Variants in BBX observed in about 807,000 individuals in gnomAD.
BBX encodes HMG box transcription factor BBX.
In BBX, 30 loss-of-function variants were observed where a neutral mutation model predicts 100.2. The ratio of observed to expected loss-of-function variants is 0.30; its 90% CI spans 0.22 to 0.41. The LOEUF (loss-of-function observed/expected upper bound fraction) is 0.41, where lower values mean the gene tolerates loss of function less well. Ranked by LOEUF, BBX falls within the 10% of genes least tolerant of loss-of-function variation. The pLI is 1.00. For missense variants in BBX, 1,023 were observed against 1,129.8 expected, an observed-to-expected ratio of 0.91 and a Z score of 1.35; for synonymous variants, 376 against 388.1, an observed-to-expected ratio of 0.97 and a Z score of 0.37.
chr3:107,724,055 T>C (rs953524095), intron 5 of BBX, among the ~76,000 whole-genome samples: 29 of 151,968 alleles, frequency 1.9e-4, no homozygotes, highest in African/African-American at 6.3e-4. Context: ...TATTTCTCCA[T>C]ATCCTATCCA....
chr3:107,645,993 C>G (rs576516305), intron 3 of BBX, 84 bp downstream of exon 3: 4 of 152,676 alleles, frequency 2.6e-5, no homozygotes, highest in African/African-American at 9.6e-5. Flanking sequence ...CAGAGCTGGT[C>G]TCAGCATGAT....
intron 10 of BBX, among the ~76,000 whole-genome samples, chr3:107,764,632 G>A (rs753072916): frequency 2.0e-5 from 3 of 152,170 alleles, no homozygotes; most frequent in Non-Finnish European, 4.4e-5. Flanking sequence ...AAAGTGTCCA[G>A]ATGATTTTTC....
intron 15 of BBX, among the ~76,000 whole-genome samples, chr3:107,793,177 T>C (rs1359698007): frequency 6.6e-6 from 1 of 152,180 alleles, no homozygotes. Flanking sequence ...TCTGATATCT[T>C]GAGTAAGTAT....
intron 7 of BBX, among the ~76,000 whole-genome samples, chr3:107,742,427 A>G (rs1462976589): frequency 2.0e-5 from 3 of 151,454 alleles, no homozygotes; most frequent in African/African-American, 4.9e-5. Flanking sequence ...GTACTCTCCC[A>G]ATTCTCCTGG....
intron 3 of BBX, among the ~76,000 whole-genome samples, chr3:107,666,488 G>A (rs1011917073): frequency 6.6e-6 from 1 of 151,620 alleles, no homozygotes; most frequent in African/African-American, 2.4e-5. Flanking sequence ...CTTTAGTGAA[G>A]GATTTATTTT....
chr3:107,651,297 A>G (rs940572342), intron 3 of BBX, among the ~76,000 whole-genome samples: 1 of 152,218 alleles, frequency 6.6e-6, no homozygotes. Flanking sequence ...AATATCTTTG[A>G]TACTTTTGAG....
chr3:107,720,566 A>G (rs2062458405), intron 5 of BBX, among the ~76,000 whole-genome samples: 1 of 152,082 alleles, frequency 6.6e-6, no homozygotes, highest in South Asian at 2.1e-4. Flanking sequence ...ATGATGATAC[A>G]AAGGTAAATA....
intron 2 of BBX, among the ~76,000 whole-genome samples, chr3:107,536,949 C>G (rs901829080): frequency 2.0e-5 from 3 of 152,154 alleles, no homozygotes; most frequent in African/African-American, 7.2e-5. Flanking sequence ...CTGGCCAGTT[C>G]CAGCATAGGC....
chr3:107,732,804 GTTGCATAAAGAGT>G, intron 6 of BBX, 139 bp from the exon 7 acceptor site: 1 of 621,488 alleles, frequency 1.6e-6, no homozygotes, highest in Non-Finnish European at 2.8e-6. Flanking sequence ...CCAGGTTACT[GTTGCATAAAGAGT>G]TTTTAAAAGT....
chr3:107,798,480 T>A, intron 15 of BBX, 43 bp from the exon 16 acceptor site: 1 of 1,585,986 alleles, frequency 6.3e-7, no homozygotes, highest in East Asian at 2.2e-5. Flanking sequence ...TTTTGGTGCC[T>A]TCTGTTTTTG....
intron 3 of BBX, among the ~76,000 whole-genome samples, chr3:107,667,158 A>G (rs983327500): frequency 4.6e-5 from 7 of 152,348 alleles, no homozygotes; most frequent in Admixed American, 2.6e-4. Flanking sequence ...ACATTCTTTT[A>G]TGCTTATCAG....
chr3:107,534,512 C>A (rs140312339), intron 2 of BBX, among the ~76,000 whole-genome samples: 1 of 151,532 alleles, frequency 6.6e-6, no homozygotes, highest in Non-Finnish European at 1.5e-5. Flanking sequence ...CTCTTTTTTT[C>A]TCTCCCAGTC....
chr3:107,687,740 G>GC (rs2059930903), intron 3 of BBX, among the ~76,000 whole-genome samples: 1 of 152,100 alleles, frequency 6.6e-6, no homozygotes, highest in Non-Finnish European at 1.5e-5. Flanking sequence ...TGCTCTACAA[G>GC]CAACAGAAAA....
At chr3:107,676,993 C>G (rs2059315071) in intron 3 of BBX, among the ~76,000 whole-genome samples, 1 of 151,856 alleles carries the variant, frequency 6.6e-6, no homozygotes, top group Non-Finnish European at 1.5e-5. Context: ...ATTTTTTTCT[C>G]TGAAGGTTGG....
At chr3:107,798,397 C>G (rs1481433094) in intron 15 of BBX, 126 bp from the exon 16 acceptor site, 2 of 854,734 alleles carry the variant, frequency 2.3e-6, no homozygotes, top group East Asian at 2.6e-5. Context: ...TCCATCAGTA[C>G]TTTGAAAACT....
intron 5 of BBX, among the ~76,000 whole-genome samples, chr3:107,717,920 GTTAAGT>G (rs2062220061): frequency 1.3e-5 from 2 of 151,890 alleles, no homozygotes; most frequent in South Asian, 4.2e-4. Flanking sequence ...CAAACACTTG[GTTAAGT>G]TTTATCAAAA....
intron 2 of BBX, among the ~76,000 whole-genome samples, chr3:107,535,593 CTTTTT>C (rs11298693): frequency 7.5e-6 from 1 of 132,836 alleles, no homozygotes; most frequent in Non-Finnish European, 1.6e-5. Flanking sequence ...TGCTCTGTTC[CTTTTT>C]TTTTTTTTTT....
chr3:107,736,981 G>T (rs2063679007), intron 7 of BBX, among the ~76,000 whole-genome samples: 1 of 152,064 alleles, frequency 6.6e-6, no homozygotes, highest in African/African-American at 2.4e-5. Context: ...TAGACTTTGG[G>T]TCTGTGATTT....
chr3:107,582,579 T>C (rs1230633535), intron 2 of BBX, among the ~76,000 whole-genome samples: 2 of 152,070 alleles, frequency 1.3e-5, no homozygotes, highest in Non-Finnish European at 2.9e-5. Flanking sequence ...TGTTCGTTTT[T>C]AATCATAAGT....
Sources: gnomAD v4.1 joint callset for allele counts (sites outside exome capture counted in the v4.1 genomes callset) on GRCh38, gnomAD v4.1.1 for gene constraint, MANE v1.5 for transcripts, NCBI Gene and HGNC (gene_info 2026-07-23, HGNC 2026-07-21) for gene names.